The following DGKB variants were observed in gnomAD, a reference collection of about 807,000 sequenced individuals.
The protein encoded by DGKB is 90 kDa diacylglycerol kinase.
In DGKB, 67 loss-of-function variants were observed where a neutral mutation model predicts 114.3. That is an observed-to-expected ratio of 0.59 (90% confidence interval 0.48 to 0.72). DGKB has a LOEUF of 0.72. Among genes scored for constraint, DGKB ranks in the 30% least tolerant of loss-of-function variants. The pLI, the probability that DGKB is intolerant of heterozygous loss-of-function variation, is 0.00. For synonymous variants in DGKB, 398 were observed against 323.1 expected, an observed-to-expected ratio of 1.23 and a Z score of -2.49; for missense variants, 907 against 975.2, an observed-to-expected ratio of 0.93 and a Z score of 0.93.
rs1240051380 is a variant in DGKB at position 14,602,363 on chromosome 7, A to G, written c.1433+5071T>C. On this transcript the variant is annotated intron_variant, in intron 17 of 25. Coordinates refer to ENST00000402815, the MANE Select transcript of DGKB (RefSeq NM_001350709.2). ...GATGGAATGAATGTAATGTATCTGTATGTAAGAAGAACACGAATTTTGGGG... is the reference window on the plus strand; with the variant it reads ...GATGGAATGAATGTAATGTATCTGTGTGTAAGAAGAACACGAATTTTGGGG... Among the ~76,000 whole-genome samples the G allele has an allele frequency of 2.0e-5, 3 of 152,132 alleles. No individual in the cohort carries two copies. In the East Asian group the frequency reaches 5.8e-4, roughly 29 times the overall value.
At position 14,736,198 on chromosome 7, in the gene DGKB, G is replaced by GAAAA. The variant is rs546131981; in HGVS notation, c.169-8_169-5dup. 8.6e-7 allele frequency: 1 copy of GAAAA among 1,161,418 alleles called. No individual in the cohort carries two copies. Among genetic ancestry groups the GAAAA allele is most frequent in the Non-Finnish European group, 1.1e-6 (1 of 878,836 alleles). 71.9% of individuals were successfully genotyped at this position (1,161,418 alleles called of 1,614,324 possible). Reference sequence around the variant, plus strand: ...TGAAACCTTCAAAATCTATTGTCTGGAAAAAAAAAATGTAAACATGTATTT... The same window carrying GAAAA: ...TGAAACCTTCAAAATCTATTGTCTGGAAAAAAAAAAAAAATGTAAACATGTATTT... On this transcript the variant is annotated splice_region_variant and splice_polypyrimidine_tract_variant and intron_variant, in intron 4 of 25. Coordinates refer to ENST00000402815, the MANE Select transcript of DGKB (RefSeq NM_001350709.2).
intron 1 of DGKB, among the ~76,000 whole-genome samples, chr7:14,884,001 C>A (rs753572847): frequency 7.2e-5 from 11 of 151,764 alleles, no homozygotes; most frequent in Non-Finnish European, 1.5e-4. Context: ...CAAAGTGAGC[C>A]AAAAGGAATA....
intron 21 of DGKB, among the ~76,000 whole-genome samples, chr7:14,371,622 T>G (rs189294217): frequency 6.6e-6 from 1 of 152,278 alleles, no homozygotes; most frequent in Admixed American, 6.5e-5. Flanking sequence ...GTTGTCTATT[T>G]ACTCCCATCC....
chr7:14,718,858 TTG>T, intron 5 of DGKB, 173 bp from the exon 6 acceptor site: 2 of 534,022 alleles, frequency 3.7e-6, no homozygotes, highest in Non-Finnish European at 6.5e-6. Flanking sequence ...CCTACGACTG[TTG>T]TAGATGAAGG....
At chr7:14,871,429 G>A (rs1035027393) in intron 1 of DGKB, among the ~76,000 whole-genome samples, 3 of 152,108 alleles carry the variant, frequency 2.0e-5, no homozygotes, top group Non-Finnish European at 4.4e-5. Context: ...AGAGTAAATA[G>A]TCTAATCACT....
At chr7:14,509,618 G>A (rs924327597) in intron 20 of DGKB, among the ~76,000 whole-genome samples, 2 of 152,082 alleles carry the variant, frequency 1.3e-5, no homozygotes, top group Non-Finnish European at 2.9e-5. Context: ...TTTCCTCATC[G>A]GTTCCTCCCC....
At chr7:14,381,006 G>A (rs1246944738) in intron 21 of DGKB, among the ~76,000 whole-genome samples, 1 of 152,216 alleles carries the variant, frequency 6.6e-6, no homozygotes, top group Admixed American at 6.5e-5. Flanking sequence ...CAGAAGGTAT[G>A]TGCTGCCTGG....
At chr7:14,790,883 T>C (rs551030905) in intron 2 of DGKB, among the ~76,000 whole-genome samples, 79 of 152,350 alleles carry the variant, frequency 5.2e-4, no homozygotes, top group Non-Finnish European at 9.4e-4. Context: ...TTAAAATCTT[T>C]ATATTATTTT....
chr7:14,157,867 T>TC (rs1783258672), intron 25 of DGKB, among the ~76,000 whole-genome samples: 1 of 152,106 alleles, frequency 6.6e-6, no homozygotes, highest in African/African-American at 2.4e-5. Context: ...AACAAAACAA[T>TC]ACAAAAACAC....
At chr7:14,250,160 G>A (rs991640137) in intron 23 of DGKB, among the ~76,000 whole-genome samples, 10 of 149,244 alleles carry the variant, frequency 6.7e-5, no homozygotes, top group African/African-American at 9.8e-5. Context: ...GTAGAAATGC[G>A]GTTTCACCAT....
chr7:14,434,756 G>T (rs1023732638), intron 21 of DGKB, among the ~76,000 whole-genome samples: 2 of 152,146 alleles, frequency 1.3e-5, no homozygotes, highest in Admixed American at 6.6e-5. Context: ...TCATGGAAAA[G>T]TTATCAACCA....
chr7:14,168,288 A>G (rs1784895624), intron 25 of DGKB, among the ~76,000 whole-genome samples: 1 of 152,206 alleles, frequency 6.6e-6, no homozygotes, highest in South Asian at 2.1e-4. Flanking sequence ...GAAGGAAATA[A>G]AAAGTGAACA....
At chr7:14,792,978 G>A (rs1392734246) in intron 2 of DGKB, among the ~76,000 whole-genome samples, 1 of 152,030 alleles carries the variant, frequency 6.6e-6, no homozygotes, top group African/African-American at 2.4e-5. Flanking sequence ...GTTAAATAGA[G>A]AAGAAAAACA....
intron 6 of DGKB, 36 bp downstream of exon 6, chr7:14,718,506 A>G (rs1222893868): frequency 6.3e-7 from 1 of 1,579,360 alleles, no homozygotes; most frequent in Non-Finnish European, 8.6e-7. Flanking sequence ...TCCTGCCCCC[A>G]ATCACGATAA....
intron 16 of DGKB, among the ~76,000 whole-genome samples, chr7:14,611,803 T>C (rs1007684014): frequency 4.6e-5 from 7 of 151,860 alleles, no homozygotes; most frequent in Admixed American, 4.6e-4. Context: ...ATGATTCATA[T>C]TATCTTAATT....
rs190893590 is a variant in DGKB at position 14,658,908 on chromosome 7, T to C, written c.1134+14021A>G. Reference sequence around the variant, plus strand: ...GTATTTTTATTAACTCTATTCTTCTTTTTTAAACTTTACTTTAAAGTTCTG... The same window carrying C: ...GTATTTTTATTAACTCTATTCTTCTCTTTTAAACTTTACTTTAAAGTTCTG... On this transcript the variant is annotated intron_variant, in intron 13 of 25. Transcript: ENST00000402815. Among the ~76,000 whole-genome samples, 3 of 152,082 alleles carry C rather than the reference T, an allele frequency of 2.0e-5. No individual in the cohort carries two copies. The East Asian group carries it at 5.8e-4, about 29-fold the overall frequency.
At chr7:14,667,103 AGAG>A (rs1351006506) in intron 13 of DGKB, among the ~76,000 whole-genome samples, 1 of 152,086 alleles carries the variant, frequency 6.6e-6, no homozygotes, top group Non-Finnish European at 1.5e-5. Flanking sequence ...TCATCAGTGC[AGAG>A]GAGATGCTTA....
intron 13 of DGKB, among the ~76,000 whole-genome samples, chr7:14,670,425 C>T (rs1818778967): frequency 6.6e-6 from 1 of 151,992 alleles, no homozygotes; most frequent in South Asian, 2.1e-4. Context: ...GCCTCAGCCT[C>T]CTCAGTAGCT....
chr7:14,396,711 C>T (rs1051132409), intron 21 of DGKB, among the ~76,000 whole-genome samples: 1 of 152,154 alleles, frequency 6.6e-6, no homozygotes, highest in South Asian at 2.1e-4. Flanking sequence ...TTTTAAAGTG[C>T]TCTGGACACA....
Sources: allele counts gnomAD v4.1 joint callset (sites outside exome capture counted in the v4.1 genomes callset), GRCh38; gene constraint gnomAD v4.1.1; transcripts MANE v1.5; gene names NCBI Gene and HGNC (gene_info 2026-07-23, HGNC 2026-07-21).